The following PDE10A variants were observed in gnomAD, a reference collection of about 807,000 sequenced individuals.
PDE10A encodes phosphodiesterase 10A.
In PDE10A, 39 loss-of-function variants were observed where a neutral mutation model predicts 97.7. The observed-to-expected ratio is 0.40, with a 90% CI of 0.31 to 0.52. PDE10A has a LOEUF of 0.52. Among genes scored for constraint, PDE10A ranks in the 20% least tolerant of loss-of-function variants. The pLI is 0.56. For missense variants in PDE10A, 731 were observed against 1,047.8 expected, an observed-to-expected ratio of 0.70 and a Z score of 4.17; for synonymous variants, 371 against 376.8, an observed-to-expected ratio of 0.98 and a Z score of 0.18.
At chr6:165,750,312 T>C (rs62427269) in intron 1 of PDE10A, among the ~76,000 whole-genome samples, 38,369 of 152,128 alleles carry the variant, frequency 0.25, 6,201 homozygotes, top group Non-Finnish European at 0.36. Context: ...GGGTCAGACA[T>C]TGACAACTGA....
At chr6:165,509,432 T>C (rs1400112017) in intron 2 of PDE10A, among the ~76,000 whole-genome samples, 2 of 152,050 alleles carry the variant, frequency 1.3e-5, no homozygotes, top group Non-Finnish European at 2.9e-5. Context: ...TTCTGTTCCA[T>C]TGTATAATTT....
intron 3 of PDE10A, among the ~76,000 whole-genome samples, chr6:165,472,464 T>C (rs1477115424): frequency 6.6e-6 from 1 of 152,164 alleles, no homozygotes; most frequent in Non-Finnish European, 1.5e-5. Context: ...TAAATTTTGC[T>C]CCATTAATTT....
chr6:165,615,418 T>C (rs3008014), intron 1 of PDE10A, among the ~76,000 whole-genome samples: 16,040 of 152,080 alleles, frequency 0.11, 848 homozygotes, highest in Middle Eastern at 0.13. Context: ...AAAATATTTC[T>C]AATACCAAAG....
intron 1 of PDE10A, among the ~76,000 whole-genome samples, chr6:165,792,075 C>T (rs984470539): frequency 1.3e-5 from 2 of 152,296 alleles, no homozygotes; most frequent in Admixed American, 1.3e-4. Flanking sequence ...TCCTGCCCGA[C>T]GTTGTGGTTC....
At chr6:165,852,533 G>T (rs759577472) in intron 1 of PDE10A, among the ~76,000 whole-genome samples, 10 of 152,166 alleles carry the variant, frequency 6.6e-5, no homozygotes, top group Non-Finnish European at 1.3e-4. Flanking sequence ...TCATAGAAAT[G>T]GACCTTTCTG....
chr6:165,706,086 C>CAT (rs1186681477), intron 1 of PDE10A, among the ~76,000 whole-genome samples: 1 of 152,174 alleles, frequency 6.6e-6, no homozygotes, highest in Non-Finnish European at 1.5e-5. Flanking sequence ...CAGGAACATG[C>CAT]AGAGGGAGTG....
At chr6:165,576,503 T>C (rs1001370710) in intron 1 of PDE10A, 5 of 777,816 alleles carry the variant, frequency 6.4e-6, no homozygotes. Context: ...AACTGTAACA[T>C]CTCTGTGGAT....
At chr6:165,856,122 C>T (rs1303714688) in intron 1 of PDE10A, among the ~76,000 whole-genome samples, 1 of 152,164 alleles carries the variant, frequency 6.6e-6, no homozygotes, top group African/African-American at 2.4e-5. Flanking sequence ...GATGCAGGGG[C>T]TCCCTGAGGG....
intron 1 of PDE10A, among the ~76,000 whole-genome samples, chr6:165,772,514 C>T (rs570598853): frequency 6.6e-6 from 1 of 152,270 alleles, no homozygotes; most frequent in East Asian, 1.9e-4. Flanking sequence ...GTCCAGGGCC[C>T]GCGTTGCCAT....
chr6:165,906,060 CCCTCCGTCCCTTCCTTCCTCCCT>C (rs1782272344), intron 1 of PDE10A, among the ~76,000 whole-genome samples: 1 of 25,890 alleles, frequency 3.9e-5, no homozygotes, highest in African/African-American at 1.1e-4. Context: ...CTCCCTCCCT[CCCTCCGTCCCTTCCTTCCTCCCT>C]CCCTCCCTTC....
chr6:165,826,939 G>C (rs575155586), intron 1 of PDE10A, among the ~76,000 whole-genome samples: 8 of 151,964 alleles, frequency 5.3e-5, no homozygotes, highest in Admixed American at 1.3e-4. Flanking sequence ...AGGGGGAAGG[G>C]GCAGGGAGGT....
At chr6:165,391,218 T>C (rs1333285257) in intron 16 of PDE10A, among the ~76,000 whole-genome samples, 3 of 152,184 alleles carry the variant, frequency 2.0e-5, no homozygotes, top group African/African-American at 7.2e-5. Flanking sequence ...TTCTTCTTTA[T>C]AAAATATGTT....
chr6:165,759,499 G>C (rs1326584459), intron 1 of PDE10A, among the ~76,000 whole-genome samples: 1 of 152,106 alleles, frequency 6.6e-6, no homozygotes, highest in Non-Finnish European at 1.5e-5. Flanking sequence ...TGGAGAGAAG[G>C]AACAGGCTCT....
At chr6:165,573,850 G>A (rs1217386111) in intron 1 of PDE10A, among the ~76,000 whole-genome samples, 1 of 152,192 alleles carries the variant, frequency 6.6e-6, no homozygotes, top group South Asian at 2.1e-4. Flanking sequence ...AAAGAGCCAA[G>A]GTGCTACTTC....
intron 1 of PDE10A, among the ~76,000 whole-genome samples, chr6:165,629,104 A>G (rs867823702): frequency 6.6e-6 from 1 of 152,200 alleles, no homozygotes. Context: ...GGATATAATG[A>G]CTAAGAGTTG....
At chr6:165,760,444 A>C (rs1201424372) in intron 1 of PDE10A, among the ~76,000 whole-genome samples, 1 of 152,188 alleles carries the variant, frequency 6.6e-6, no homozygotes, top group Non-Finnish European at 1.5e-5. Context: ...AGGTCTGACC[A>C]AGCTAATACG....
chr6:165,915,815 TGATACATCACTCAG>T, intron 1 of PDE10A, among the ~76,000 whole-genome samples: 1 of 152,374 alleles, frequency 6.6e-6, no homozygotes, highest in African/African-American at 2.4e-5. Flanking sequence ...CTGCTTTTTC[TGATACATCACTCAG>T]GATACTTCAA....
At chr6:165,632,352 C>T (rs1426984872) in intron 1 of PDE10A, among the ~76,000 whole-genome samples, 1 of 152,048 alleles carries the variant, frequency 6.6e-6, no homozygotes, top group Non-Finnish European at 1.5e-5. Flanking sequence ...GTTAAGAAAG[C>T]TCAGGTATGA....
intron 17 of PDE10A, among the ~76,000 whole-genome samples, chr6:165,384,061 A>T (rs971123927): frequency 3.3e-5 from 5 of 152,200 alleles, no homozygotes; most frequent in African/African-American, 1.2e-4. Context: ...CTAAGAAAAC[A>T]GGAAATTATT....
Sources: gnomAD v4.1 joint callset for allele counts (sites outside exome capture counted in the v4.1 genomes callset) on GRCh38, gnomAD v4.1.1 for gene constraint, MANE v1.5 for transcripts, NCBI Gene and HGNC (gene_info 2026-07-23, HGNC 2026-07-21) for gene names.